The following TTC28 variants were observed in gnomAD, a reference collection of about 807,000 sequenced individuals.
TTC28 encodes the protein tetratricopeptide repeat domain 28.
A neutral mutation model predicts 198.0 loss-of-function variants in TTC28; 61 were observed. That is an observed-to-expected ratio of 0.31 (90% CI 0.25 to 0.38). TTC28 has a LOEUF of 0.38. Ranked by LOEUF, TTC28 falls within the 10% of genes least tolerant of loss-of-function variation. The pLI, the probability that TTC28 is intolerant of heterozygous loss-of-function variation, is 1.00. For synonymous variants in TTC28, 1,171 were observed against 1,297.8 expected, an observed-to-expected ratio of 0.90 and a Z score of 2.10; for missense variants, 2,678 against 3,164.0, an observed-to-expected ratio of 0.85 and a Z score of 3.69.
At chr22:28,535,839 T>G (rs978967788) in intron 2 of TTC28, among the ~76,000 whole-genome samples, 1 of 152,086 alleles carries the variant, frequency 6.6e-6, no homozygotes, top group Non-Finnish European at 1.5e-5. Flanking sequence ...GTAAGTTTCC[T>G]GAGGTCTCCC....
At position 27,982,854 on chromosome 22, in the gene TTC28, C is replaced by T. The variant is rs1249625889; in HGVS notation, c.6813G>A (p.Ser2271=). Reference sequence around the variant, plus strand: ...GGGAAGTCTGTGAGTCGCAGCCGGGCGATGGCCGGCCACTGTGCTGGCTCG... The same window carrying T: ...GGGAAGTCTGTGAGTCGCAGCCGGGTGATGGCCGGCCACTGTGCTGGCTCG... ...DSPSQHSGRP[S]PGCDSQTSQL... is the part of the protein sequence containing the mutation. Residue 2271 remains serine (S), a synonymous_variant, in exon 23 of 23, where the codon TCG becomes TCA. Coordinates refer to ENST00000397906, the MANE Select transcript of TTC28 (RefSeq NM_001145418.2). The surrounding 1 kb of genome is among the most constrained non-coding windows in gnomAD (Gnocchi z 5.2). 3.9e-6 allele frequency: 6 copies of T among 1,544,088 alleles called. No individual in the cohort carries two copies. The highest frequency in any genetic ancestry group is 2.7e-5 in the African/African-American group (2 of 72,836).
chr22:28,330,363 AGAC>A (rs977379368), intron 2 of TTC28, among the ~76,000 whole-genome samples: 2 of 152,204 alleles, frequency 1.3e-5, no homozygotes, highest in African/African-American at 4.8e-5. Flanking sequence ...CACCATTCAC[AGAC>A]AACTGGGGCC....
At chr22:28,433,270 T>G (rs568869295) in intron 2 of TTC28, among the ~76,000 whole-genome samples, 11 of 152,344 alleles carry the variant, frequency 7.2e-5, no homozygotes, top group African/African-American at 2.6e-4. Context: ...TTATTTATTT[T>G]TTATTCTTTT....
At chr22:28,131,417 C>T (rs558792777) in intron 6 of TTC28, among the ~76,000 whole-genome samples, 33 of 152,182 alleles carry the variant, frequency 2.2e-4, no homozygotes, top group African/African-American at 7.9e-4. Context: ...AATACAATAT[C>T]CAGAAATCAC....
intron 2 of TTC28, among the ~76,000 whole-genome samples, chr22:28,485,136 G>A (rs1411717871): frequency 1.3e-5 from 2 of 152,172 alleles, no homozygotes; most frequent in Admixed American, 6.5e-5. Flanking sequence ...TTAAAAGGTT[G>A]TGAGTGAATG....
At chr22:28,214,006 A>G (rs552482194) in intron 5 of TTC28, among the ~76,000 whole-genome samples, 1 of 152,108 alleles carries the variant, frequency 6.6e-6, no homozygotes. Context: ...CTTTGACAAA[A>G]CTGACAAAAA....
At chr22:28,440,084 C>A (rs1291552726) in intron 2 of TTC28, among the ~76,000 whole-genome samples, 3 of 152,242 alleles carry the variant, frequency 2.0e-5, no homozygotes, top group Non-Finnish European at 4.4e-5. Context: ...CATCCGCTCG[C>A]CTCGGCCTCC....
chr22:28,477,803 T>C (rs1347812116), intron 2 of TTC28, among the ~76,000 whole-genome samples: 1 of 152,206 alleles, frequency 6.6e-6, no homozygotes, highest in African/African-American at 2.4e-5. Context: ...CTCGTACAAC[T>C]GGTCTTTGTT....
chr22:28,119,459 C>A (rs1406294018), intron 6 of TTC28, among the ~76,000 whole-genome samples: 1 of 152,208 alleles, frequency 6.6e-6, no homozygotes, highest in African/African-American at 2.4e-5. Context: ...CACCTAAGGA[C>A]AGTGCAAAAC....
chr22:28,468,617 G>A (rs1048381556), intron 2 of TTC28, among the ~76,000 whole-genome samples: 6 of 151,482 alleles, frequency 4.0e-5, no homozygotes, highest in African/African-American at 9.7e-5. Flanking sequence ...TGCAGCTCCC[G>A]GGTTCACGCC....
intron 2 of TTC28, among the ~76,000 whole-genome samples, chr22:28,597,764 A>T (rs1004129894): frequency 6.6e-6 from 1 of 152,174 alleles, no homozygotes; most frequent in Non-Finnish European, 1.5e-5. Context: ...AGAATAGCCT[A>T]AAAAAGATTA....
At chr22:28,326,052 T>A in intron 2 of TTC28, among the ~76,000 whole-genome samples, 1 of 152,116 alleles carries the variant, frequency 6.6e-6, no homozygotes, top group East Asian at 1.9e-4. Flanking sequence ...GCAGCTCTAT[T>A]CATAATTTCC....
chr22:28,070,092 C>T (rs926640554), intron 12 of TTC28, among the ~76,000 whole-genome samples: 4 of 152,084 alleles, frequency 2.6e-5, no homozygotes, highest in African/African-American at 9.7e-5. Context: ...GATCAGAAAA[C>T]GTCTAAGCTT....
chr22:28,205,848 G>A (rs1926358670), intron 5 of TTC28, among the ~76,000 whole-genome samples: 1 of 151,928 alleles, frequency 6.6e-6, no homozygotes, highest in African/African-American at 2.4e-5. Flanking sequence ...TACCCTGGAA[G>A]AAGTAGCACA....
chr22:28,478,624 G>A (rs2048199150), intron 2 of TTC28, among the ~76,000 whole-genome samples: 1 of 152,094 alleles, frequency 6.6e-6, no homozygotes, highest in African/African-American at 2.4e-5. Flanking sequence ...TGGGTGGGAT[G>A]GGGTGGGAAG....
intron 2 of TTC28, among the ~76,000 whole-genome samples, chr22:28,575,440 T>C (rs922876909): frequency 6.6e-6 from 1 of 151,946 alleles, no homozygotes; most frequent in Admixed American, 6.6e-5. Context: ...GTAGTATAAT[T>C]TGAAGTCCTC....
intron 2 of TTC28, among the ~76,000 whole-genome samples, chr22:28,554,069 C>A (rs1601559206): frequency 1.3e-5 from 2 of 152,190 alleles, no homozygotes; most frequent in African/African-American, 4.8e-5. Flanking sequence ...GATCTGTGAC[C>A]TTACCCCCAA....
intron 2 of TTC28, 37 bp from the exon 3 acceptor site, chr22:28,306,680 TGCTCCAACAAGGC>T: frequency 6.5e-7 from 1 of 1,546,564 alleles, no homozygotes; most frequent in African/African-American, 1.4e-5. Flanking sequence ...ATAATGCCTG[TGCTCCAACAAGGC>T]TGATGGTGAT....
intron 2 of TTC28, among the ~76,000 whole-genome samples, chr22:28,411,961 C>A (rs2047088539): frequency 1.3e-5 from 2 of 152,124 alleles, no homozygotes; most frequent in Non-Finnish European, 1.5e-5. Flanking sequence ...TCAAAATATT[C>A]AAATACTTTA....
Sources: gnomAD v4.1 joint callset for allele counts (sites outside exome capture counted in the v4.1 genomes callset) on GRCh38, gnomAD v4.1.1 for gene constraint, Gnocchi (gnomAD v3.1) non-coding constraint, MANE v1.5 for transcripts, NCBI Gene and HGNC (gene_info 2026-07-23, HGNC 2026-07-21) for gene names.